Variants in DAAM1 observed in about 807,000 individuals in gnomAD.
DAAM1 encodes dishevelled associated activator of morphogenesis 1.
A neutral mutation model predicts 130.0 loss-of-function variants in DAAM1; 52 were observed. The ratio of observed to expected loss-of-function variants is 0.40; its 90% CI spans 0.32 to 0.50. The LOEUF (loss-of-function observed/expected upper bound fraction) is 0.50, where lower values mean the gene tolerates loss of function less well. Among genes scored for constraint, DAAM1 ranks in the 20% least tolerant of loss-of-function variants. DAAM1 has a pLI of 0.61. For synonymous variants in DAAM1, 452 were observed against 444.5 expected (o/e 1.02, Z -0.21); for missense variants, 1,134 against 1,303.8 (o/e 0.87, Z 2.01).
chr14:59,195,880 G>A (rs117377336), intron 1 of DAAM1, among the ~76,000 whole-genome samples: 3,805 of 146,038 alleles, frequency 0.026, 86 homozygotes, highest in Non-Finnish European at 0.035. Flanking sequence ...GATTTTTTCT[G>A]TATCTTTTTT....
intron 1 of DAAM1, among the ~76,000 whole-genome samples, chr14:59,242,229 C>T (rs944013350): frequency 6.6e-6 from 1 of 152,146 alleles, no homozygotes; most frequent in Non-Finnish European, 1.5e-5. Context: ...AACAAATTAT[C>T]CCAAAAGCTT....
At chr14:59,319,872 A>C (rs1232289283) in intron 4 of DAAM1, among the ~76,000 whole-genome samples, 1 of 152,116 alleles carries the variant, frequency 6.6e-6, no homozygotes, top group Non-Finnish European at 1.5e-5. Context: ...TGATTTTCAT[A>C]TCCATATTAA....
intron 1 of DAAM1, among the ~76,000 whole-genome samples, chr14:59,219,186 A>G (rs1239095708): frequency 6.6e-6 from 1 of 152,176 alleles, no homozygotes; most frequent in East Asian, 1.9e-4. Flanking sequence ...GTCTTCCCCA[A>G]ACTTAAGCCT....
chr14:59,369,720 AAAGG>A lies in DAAM1; in HGVS notation c.*865_*868del, dbSNP rs1249336682. The A allele has an allele frequency of 1.3e-5, 2 of 149,370 alleles. No individual in the cohort carries two copies. The highest frequency in any genetic ancestry group is 4.9e-5 in the African/African-American group (2 of 40,438). 9.3% of individuals were successfully genotyped at this position (149,370 alleles called of 1,614,324 possible). A position where few individuals can be genotyped will look rare whatever the true frequency, so the allele number is the denominator to read the frequency against. ...TAATAAAATATCTCACCCAAGACTTAAAGGAAGAATTCTCTGAAGGGATAAAGAT... is the reference window on the plus strand; with the variant it reads ...TAATAAAATATCTCACCCAAGACTTAAAGAATTCTCTGAAGGGATAAAGAT... On this transcript the variant is annotated 3_prime_UTR_variant, in exon 25 of 25. Coordinates refer to ENST00000360909, the MANE Select transcript of DAAM1 (RefSeq NM_001270520.2).
intron 1 of DAAM1, among the ~76,000 whole-genome samples, chr14:59,206,719 T>A (rs1888274507): frequency 6.6e-6 from 1 of 152,230 alleles, no homozygotes; most frequent in Non-Finnish European, 1.5e-5. Context: ...AGGAGGAAAG[T>A]AGTAAGAAAT....
chr14:59,192,781 C>T (rs762143969), intron 1 of DAAM1, among the ~76,000 whole-genome samples: 5 of 152,176 alleles, frequency 3.3e-5, no homozygotes, highest in African/African-American at 9.7e-5. Context: ...AGGCCGGGCG[C>T]GGTGGCTCAA....
intron 1 of DAAM1, among the ~76,000 whole-genome samples, chr14:59,216,262 G>A (rs1159534803): frequency 6.6e-6 from 1 of 152,050 alleles, no homozygotes; most frequent in Non-Finnish European, 1.5e-5. Flanking sequence ...GTTTTTCAAT[G>A]TACTGTGTTA....
chr14:59,311,133 C>T (rs1418797696), intron 3 of DAAM1, among the ~76,000 whole-genome samples: 1 of 152,192 alleles, frequency 6.6e-6, no homozygotes, highest in Non-Finnish European at 1.5e-5. Flanking sequence ...CAGAAGACTT[C>T]AGCTGCTACG....
intron 1 of DAAM1, among the ~76,000 whole-genome samples, chr14:59,247,656 C>T (rs1181729353): frequency 6.6e-6 from 1 of 151,526 alleles, no homozygotes; most frequent in African/African-American, 2.4e-5. Context: ...ATAGCTAAAC[C>T]ACTCTAAACT....
At chr14:59,194,880 G>A (rs1887836738) in intron 1 of DAAM1, among the ~76,000 whole-genome samples, 1 of 152,210 alleles carries the variant, frequency 6.6e-6, no homozygotes, top group African/African-American at 2.4e-5. Flanking sequence ...AATGCAGTTG[G>A]TGCGATTTCG....
rs1566716982 is a variant in DAAM1, at chr14:59,347,643, T to C, written c.2160+20T>C. On this transcript the variant is annotated intron_variant, in intron 17 of 24. Transcript: ENST00000360909. ...GAACAGGTGAGCTACCAGATGTATC[T>C]GAGAGCAGAAGTGAAAAGCGACCAT... 6.2e-7 allele frequency: 1 copy of C among 1,611,540 alleles called. No individual in the cohort carries two copies. The highest frequency in any genetic ancestry group is 8.5e-7 in the Non-Finnish European group (1 of 1,178,122).
chr14:59,260,257 A>G (rs1882108156), intron 1 of DAAM1, among the ~76,000 whole-genome samples: 1 of 152,210 alleles, frequency 6.6e-6, no homozygotes, highest in Admixed American at 6.5e-5. Flanking sequence ...GCAGATAATC[A>G]TATCAATGGG....
intron 16 of DAAM1, 41 bp downstream of exon 16, chr14:59,340,221 A>G (rs1270401928): frequency 4.4e-6 from 7 of 1,578,896 alleles, no homozygotes; most frequent in Non-Finnish European, 6.1e-6. Context: ...TAGGACCAAC[A>G]TTTCCATTCT....
chr14:59,231,314 A>T (rs982269781), intron 1 of DAAM1, among the ~76,000 whole-genome samples: 14 of 152,172 alleles, frequency 9.2e-5, no homozygotes, highest in African/African-American at 3.4e-4. Flanking sequence ...AGATGTAAGC[A>T]CAAGAAATAT....
At chr14:59,276,448 T>G (rs1882972875) in intron 2 of DAAM1, among the ~76,000 whole-genome samples, 1 of 152,166 alleles carries the variant, frequency 6.6e-6, no homozygotes, top group Admixed American at 6.5e-5. Flanking sequence ...GAGGTCTGCT[T>G]AGGTGCCTCT....
intron 23 of DAAM1, among the ~76,000 whole-genome samples, chr14:59,364,445 G>C (rs982552392): frequency 6.6e-6 from 1 of 151,772 alleles, no homozygotes; most frequent in African/African-American, 2.4e-5. Flanking sequence ...AGCTCCCTCA[G>C]CTTCACCTCA....
In DAAM1 at chr14:59,355,331, C is replaced by A; in HGVS notation, c.2523C>A (p.Asp841Glu). Residue 841 changes from aspartate (D) to glutamate (E), a missense_variant and splice_region_variant, in exon 20 of 25, where the codon GAC (aspartate) becomes GAA (glutamate). Around this residue, in one of 3 missense-constraint regions of DAAM1, gnomAD observed 644 missense variants for 695.9 expected, o/e 0.93. Transcript: ENST00000360909. ...TTGCTGACACAAAATCCAGCATCGA[C>A]AAGTAAGTATGAGATCTTCCAACAC... ...NKIADTKSSI[D>E]KNITLLHYLI... 1 of 1,613,940 alleles carries A rather than the reference C, an allele frequency of 6.2e-7. No individual in the cohort carries two copies. The highest frequency in any genetic ancestry group is 2.2e-5 in the East Asian group (1 of 44,858).
intron 15 of DAAM1, among the ~76,000 whole-genome samples, chr14:59,333,557 G>A (rs1253504910): frequency 6.6e-6 from 1 of 152,196 alleles, no homozygotes; most frequent in South Asian, 2.1e-4. Context: ...ATCCATTTTA[G>A]CAAATTTCCT....
intron 1 of DAAM1, among the ~76,000 whole-genome samples, chr14:59,218,811 C>A (rs1162184765): frequency 6.6e-6 from 1 of 151,928 alleles, no homozygotes; most frequent in African/African-American, 2.4e-5. Flanking sequence ...CTATCTTTAC[C>A]CTGAAATTTG....
Sources: allele counts gnomAD v4.1 joint callset (sites outside exome capture counted in the v4.1 genomes callset), GRCh38; gene constraint gnomAD v4.1.1; regional missense constraint gnomAD v4.1.1; transcripts MANE v1.5; gene names NCBI Gene and HGNC (gene_info 2026-07-23, HGNC 2026-07-21).